The following DNAH7 variants were observed in gnomAD, a reference collection of about 807,000 sequenced individuals.
DNAH7 encodes axonemal beta dynein heavy chain 7.
A neutral mutation model predicts 444.6 loss-of-function variants in DNAH7; 397 were observed. The ratio of observed to expected loss-of-function variants is 0.89; its 90% CI spans 0.82 to 0.97. The LOEUF (loss-of-function observed/expected upper bound fraction) is 0.97. Among genes scored for constraint, DNAH7 ranks in the 50% least tolerant of loss-of-function variants. DNAH7 has a pLI of 0.00. For synonymous variants in DNAH7, 1,636 were observed against 1,624.4 expected (o/e 1.01, Z -0.17); for missense variants, 4,902 against 4,800.8 (o/e 1.02, Z -0.62).
At chr2:195,978,622 CAT>C (rs1290210915) in intron 15 of DNAH7, among the ~76,000 whole-genome samples, 1 of 152,084 alleles carries the variant, frequency 6.6e-6, no homozygotes, top group Admixed American at 6.6e-5. Flanking sequence ...AATCAAAAAA[CAT>C]AGCCTTGCTG....
At chr2:195,870,957 A>T (rs1356814867) in intron 40 of DNAH7, among the ~76,000 whole-genome samples, 1 of 152,134 alleles carries the variant, frequency 6.6e-6, no homozygotes, top group African/African-American at 2.4e-5. Flanking sequence ...TCCAGCTCTC[A>T]GTACATTTCT....
Position 195,816,969 on chromosome 2 carries a change from A to G in DNAH7, c.9426-6T>C, listed in dbSNP as rs747138692. 5 of 1,552,540 alleles carry G rather than the reference A, an allele frequency of 3.2e-6. No individual in the cohort carries two copies. The South Asian group carries it at 6.1e-5, about 19-fold the overall frequency. On this transcript the variant is annotated splice_region_variant and splice_polypyrimidine_tract_variant and intron_variant, in intron 50 of 64. Transcript: ENST00000312428. ...CTTCTATTTCTTTTAACTGCCTGGA[A>G]TAAAACAAAATTTTCTTAGAAGAAA...
At chr2:195,795,948 T>C (rs1296490354) in intron 56 of DNAH7, 1 of 152,328 alleles carries the variant, frequency 6.6e-6, no homozygotes, top group Admixed American at 6.5e-5. Context: ...GCTAGAGTCA[T>C]GGGTAATTCC....
intron 12 of DNAH7, among the ~76,000 whole-genome samples, chr2:195,989,913 A>G (rs1021254558): frequency 6.6e-6 from 1 of 152,218 alleles, no homozygotes; most frequent in Non-Finnish European, 1.5e-5. Flanking sequence ...AGCTTGCAGC[A>G]TCATAAGCCA....
In DNAH7 at chr2:195,889,180, C is replaced by T. The variant is rs190478965; in HGVS notation, c.5047-199G>A. ...ATATAATATGTATCACTAAAGAAGC[C>T]TATACTATATATGCCATGGACAAGA... On this transcript the variant is annotated intron_variant, in intron 31 of 64. Transcript: ENST00000312428. Among the ~76,000 whole-genome samples, 20 of 152,158 alleles carry T rather than the reference C, an allele frequency of 1.3e-4. No individual in the cohort carries two copies. In the East Asian group the frequency reaches 3.9e-3, roughly 29 times the overall value.
At position 195,808,744 on chromosome 2, in the gene DNAH7, T is replaced by G; in HGVS notation, c.10021A>C (p.Lys3341Gln). 6.2e-7 allele frequency: 1 copy of G among 1,614,098 alleles called. No individual in the cohort carries two copies. Among genetic ancestry groups the G allele is most frequent in the Non-Finnish European group, 8.5e-7 (1 of 1,179,966 alleles). Residue 3341 changes from lysine (K) to glutamine (Q), a missense_variant, in exon 53 of 65, where the codon AAA becomes CAA. By Grantham distance (53) the Lys-to-Gln change is moderately conservative. Transcript: ENST00000312428. Reference protein sequence around the residue: ...ICRLDDLPAFKTIRREFMRLK... With the variant: ...ICRLDDLPAFQTIRREFMRLK... ...CGCATAAACTCTCTACGAATGGTTT[T>G]GAAGGCAGGCAAATCATCTAATCGA...
intron 52 of DNAH7, among the ~76,000 whole-genome samples, chr2:195,809,274 G>A (rs889903952): frequency 2.6e-5 from 4 of 152,150 alleles, no homozygotes; most frequent in South Asian, 4.1e-4. Flanking sequence ...ATGAGTTACT[G>A]ATACACAACT....
chr2:195,896,104 G>C (rs1474579819), intron 29 of DNAH7, among the ~76,000 whole-genome samples: 1 of 152,202 alleles, frequency 6.6e-6, no homozygotes, highest in Non-Finnish European at 1.5e-5. Context: ...ATGGTGGATA[G>C]GTGTTGAACA....
intron 21 of DNAH7, among the ~76,000 whole-genome samples, chr2:195,929,731 A>G (rs1437485426): frequency 6.6e-6 from 1 of 152,256 alleles, no homozygotes; most frequent in Non-Finnish European, 1.5e-5. Flanking sequence ...CTCAAGATGG[A>G]TTAATATTTA....
In DNAH7 at chr2:195,950,067, T is replaced by G. The variant is rs141556392; in HGVS notation, c.3078+7194A>C. Among the ~76,000 whole-genome samples, 2,960 of 152,276 alleles carry G rather than the reference T, an allele frequency of 0.019. 246 individuals are homozygous for G. The East Asian group carries it at 0.27, about 14-fold the overall frequency. Reference sequence around the variant, plus strand: ...GGGATATTGGCCTGAAATTTTCTTTTTTTGTTGTGTCTCTGCCAGGTTTTG... The same window carrying G: ...GGGATATTGGCCTGAAATTTTCTTTGTTTGTTGTGTCTCTGCCAGGTTTTG... On this transcript the variant is annotated intron_variant, in intron 19 of 64. Coordinates refer to ENST00000312428, the MANE Select transcript of DNAH7 (RefSeq NM_018897.3).
intron 21 of DNAH7, among the ~76,000 whole-genome samples, chr2:195,929,509 G>C (rs1322666919): frequency 1.3e-5 from 2 of 152,142 alleles, no homozygotes; most frequent in African/African-American, 4.8e-5. Flanking sequence ...AGCATGGTAT[G>C]TGTACAAAAA....
intron 12 of DNAH7, chr2:195,994,224 A>G: frequency 3.5e-6 from 1 of 282,576 alleles, no homozygotes; most frequent in Admixed American, 4.8e-5. Flanking sequence ...TTGATTTGTA[A>G]GGAGAATGCA....
chr2:195,851,207 G>C (rs1699340579), intron 46 of DNAH7, among the ~76,000 whole-genome samples: 1 of 152,196 alleles, frequency 6.6e-6, no homozygotes, highest in African/African-American at 2.4e-5. Flanking sequence ...ACTGCTCGCT[G>C]TTTTGACCTG....
chr2:195,948,111 C>T (rs1009208378), intron 19 of DNAH7, among the ~76,000 whole-genome samples: 1 of 152,100 alleles, frequency 6.6e-6, no homozygotes, highest in Non-Finnish European at 1.5e-5. Flanking sequence ...AGTGTCTGTT[C>T]ACATGCCTTG....
At chr2:196,018,304 T>A (rs1695150841) in intron 9 of DNAH7, among the ~76,000 whole-genome samples, 2 of 152,090 alleles carry the variant, frequency 1.3e-5, no homozygotes, top group African/African-American at 4.8e-5. Flanking sequence ...GGAAAGAAGT[T>A]CTCATTTACT....
At chr2:195,901,689 T>C (rs1474589873) in intron 27 of DNAH7, 1 of 152,158 alleles carries the variant, frequency 6.6e-6, no homozygotes, top group Non-Finnish European at 1.5e-5. Flanking sequence ...ATTATGTTAG[T>C]GTTAGACAAA....
chr2:195,977,929 A>ATTCTT (rs1692311112), intron 15 of DNAH7, among the ~76,000 whole-genome samples: 1 of 152,188 alleles, frequency 6.6e-6, no homozygotes, highest in Admixed American at 6.5e-5. Context: ...GGAAAGAAGA[A>ATTCTT]CTTTCCCAGA....
At chr2:195,846,926 T>C (rs1045091764) in intron 46 of DNAH7, among the ~76,000 whole-genome samples, 2 of 148,308 alleles carry the variant, frequency 1.3e-5, no homozygotes, top group Non-Finnish European at 1.5e-5. Context: ...TGTGAGTTAA[T>C]ACTACGTAAT....
chr2:196,005,943 C>T lies in DNAH7; in HGVS notation c.990-4085G>A, dbSNP rs150277747. 7.9e-5 allele frequency among the ~76,000 whole-genome samples: 12 copies of T among 151,676 alleles called. 1 individual carries two copies. Among genetic ancestry groups the T allele is most frequent in the Admixed American group, 1.3e-4 (2 of 15,220 alleles). On this transcript the variant is annotated intron_variant, in intron 10 of 64. Coordinates refer to ENST00000312428, the MANE Select transcript of DNAH7 (RefSeq NM_018897.3). ...CACACACACACACACACAAAAACTA[C>T]AGACCAATATCTCATATGAATGAAG...
Sources: allele counts gnomAD v4.1 joint callset (sites outside exome capture counted in the v4.1 genomes callset), GRCh38; gene constraint gnomAD v4.1.1; transcripts MANE v1.5; gene names NCBI Gene and HGNC (gene_info 2026-07-23, HGNC 2026-07-21).